The following BMPR1B variants were observed in gnomAD, a reference collection of about 807,000 sequenced individuals.
The protein encoded by BMPR1B is bone morphogenetic protein receptor type-1B.
In BMPR1B, 12 loss-of-function variants were observed where a neutral mutation model predicts 59.1. That is an observed-to-expected ratio of 0.20 (90% CI 0.13 to 0.33). The LOEUF (loss-of-function observed/expected upper bound fraction) is 0.33, where lower values mean the gene tolerates loss of function less well. Ranked by LOEUF, BMPR1B falls within the 10% of genes least tolerant of loss-of-function variation. BMPR1B has a pLI of 1.00. For synonymous variants in BMPR1B, 237 were observed against 207.3 expected, an observed-to-expected ratio of 1.14 and a Z score of -1.23; for missense variants, 550 against 610.9, an observed-to-expected ratio of 0.90 and a Z score of 1.05.
At chr4:94,807,218 C>T (rs1723638867) in intron 1 of BMPR1B, among the ~76,000 whole-genome samples, 1 of 152,140 alleles carries the variant, frequency 6.6e-6, no homozygotes, top group Non-Finnish European at 1.5e-5. Context: ...CCTCAGCCTC[C>T]CTGGTAGCTG....
chr4:94,816,967 AT>A (rs1317101782), intron 1 of BMPR1B, among the ~76,000 whole-genome samples: 1 of 152,140 alleles, frequency 6.6e-6, no homozygotes, highest in African/African-American at 2.4e-5. Context: ...TTAGGAGGTG[AT>A]TAAGTCATGA....
intron 1 of BMPR1B, among the ~76,000 whole-genome samples, chr4:94,807,852 T>C (rs892702181): frequency 6.6e-6 from 1 of 152,094 alleles, no homozygotes; most frequent in African/African-American, 2.4e-5. Flanking sequence ...GCCTGGCCAA[T>C]TTTTGTTCTT....
chr4:95,026,967 G>C (rs1210734659), intron 3 of BMPR1B, among the ~76,000 whole-genome samples: 1 of 151,692 alleles, frequency 6.6e-6, no homozygotes, highest in Non-Finnish European at 1.5e-5. Flanking sequence ...GTCTTGCTGT[G>C]TTGCCCTAGG....
chr4:95,125,462 C>G (rs906043331), intron 8 of BMPR1B, among the ~76,000 whole-genome samples: 1 of 152,154 alleles, frequency 6.6e-6, no homozygotes, highest in African/African-American at 2.4e-5. Flanking sequence ...TAAAGTATTA[C>G]AACCAACTGG....
chr4:94,927,119 A>G (rs917278780), intron 2 of BMPR1B, among the ~76,000 whole-genome samples: 3 of 152,166 alleles, frequency 2.0e-5, no homozygotes, highest in Non-Finnish European at 2.9e-5. Flanking sequence ...TGCACAAGAA[A>G]GGGACAATAA....
At chr4:95,003,801 C>CTTT (rs5860385) in intron 3 of BMPR1B, among the ~76,000 whole-genome samples, 8,061 of 84,514 alleles carry the variant, frequency 0.095, 1,123 homozygotes, top group Middle Eastern at 0.19. Context: ...CAAAGTCCAT[C>CTTT]TTTTTTTTTT....
intron 4 of BMPR1B, among the ~76,000 whole-genome samples, chr4:95,110,772 C>T (rs949973515): frequency 4.6e-5 from 7 of 152,168 alleles, no homozygotes; most frequent in African/African-American, 1.7e-4. Context: ...TCAAAATGCA[C>T]CCTTGCATAC....
chr4:95,073,565 C>T (rs922041054), intron 3 of BMPR1B, among the ~76,000 whole-genome samples: 1 of 151,982 alleles, frequency 6.6e-6, no homozygotes, highest in Non-Finnish European at 1.5e-5. Context: ...TGTTTTGGAT[C>T]CTTCAGAATT....
At chr4:94,858,161 A>G (rs1318728964) in intron 1 of BMPR1B, among the ~76,000 whole-genome samples, 1 of 151,898 alleles carries the variant, frequency 6.6e-6, no homozygotes, top group South Asian at 2.1e-4. Context: ...CATGTTAGCC[A>G]GGATGGTCTC....
chr4:95,118,069 G>A (rs1732202373), intron 6 of BMPR1B, among the ~76,000 whole-genome samples: 1 of 152,100 alleles, frequency 6.6e-6, no homozygotes, highest in African/African-American at 2.4e-5. Flanking sequence ...GGGTTTAGTA[G>A]CATTAGAATG....
At chr4:95,008,895 C>G (rs139095082) in intron 3 of BMPR1B, among the ~76,000 whole-genome samples, 95 of 152,018 alleles carry the variant, frequency 6.2e-4, no homozygotes, top group African/African-American at 2.1e-3. Flanking sequence ...AAAATTAAAA[C>G]TAGAGTGATG....
At chr4:94,879,640 G>C (rs1018153201) in intron 2 of BMPR1B, among the ~76,000 whole-genome samples, 5 of 151,970 alleles carry the variant, frequency 3.3e-5, no homozygotes, top group African/African-American at 1.2e-4. Context: ...AAATACATTT[G>C]GTTCTTATTT....
At chr4:94,951,220 A>G (rs1729922228) in intron 2 of BMPR1B, among the ~76,000 whole-genome samples, 1 of 152,238 alleles carries the variant, frequency 6.6e-6, no homozygotes, top group Admixed American at 6.5e-5. Flanking sequence ...ATCTGCAAAC[A>G]GAGATAAATT....
chr4:94,889,130 G>A (rs1727293856), intron 2 of BMPR1B, among the ~76,000 whole-genome samples: 1 of 152,024 alleles, frequency 6.6e-6, no homozygotes, highest in Admixed American at 6.6e-5. Flanking sequence ...GGATCCAAGA[G>A]AGGCCTCCTA....
chr4:94,869,285 TTTTACAC>T (rs1313360625), intron 1 of BMPR1B, among the ~76,000 whole-genome samples: 1 of 152,206 alleles, frequency 6.6e-6, no homozygotes, highest in Non-Finnish European at 1.5e-5. Flanking sequence ...ATGAAAACAA[TTTTACAC>T]TTTACACTTC....
chr4:94,790,656 G>A (rs1722946382), intron 1 of BMPR1B, among the ~76,000 whole-genome samples: 1 of 152,172 alleles, frequency 6.6e-6, no homozygotes, highest in South Asian at 2.1e-4. Flanking sequence ...TTTGTTTAAT[G>A]CAAAGTTCTT....
intron 3 of BMPR1B, among the ~76,000 whole-genome samples, chr4:95,049,219 T>C (rs545299759): frequency 6.6e-6 from 1 of 151,912 alleles, no homozygotes; most frequent in South Asian, 2.1e-4. Flanking sequence ...CCTAAAAAAA[T>C]CCTCCTATCT....
chr4:94,979,504 C>T (rs544080110), intron 2 of BMPR1B, among the ~76,000 whole-genome samples: 173 of 152,278 alleles, frequency 1.1e-3, no homozygotes, highest in African/African-American at 3.9e-3. Context: ...ATCAGGTTCT[C>T]AGACATGCAG....
chr4:95,154,976 A>T lies in BMPR1B; in HGVS notation c.*303A>T, dbSNP rs1159620982. The T allele has an allele frequency of 6.0e-6, 2 of 334,670 alleles. No homozygotes were observed. Among genetic ancestry groups the T allele is most frequent in the Non-Finnish European group, 5.6e-6 (1 of 177,476 alleles). The allele number at this position is 334,670 out of a possible 1,614,324, so 20.7% of individuals were successfully genotyped here. A position where few individuals can be genotyped will look rare whatever the true frequency, so the allele number is the denominator to read the frequency against. The stretch of plus-strand genomic sequence containing the variant: ...TTTGTGATTGCCTTTTTTTTTTTTT[A>T]AGATGCTTTCATTTTGCCAAAATAA... On this transcript the variant is annotated 3_prime_UTR_variant, in exon 13 of 13. Coordinates refer to ENST00000515059, the MANE Select transcript of BMPR1B (RefSeq NM_001203.3).
Sources: allele counts gnomAD v4.1 joint callset (sites outside exome capture counted in the v4.1 genomes callset), GRCh38; gene constraint gnomAD v4.1.1; transcripts MANE v1.5; gene names NCBI Gene and HGNC (gene_info 2026-07-23, HGNC 2026-07-21).